SEC14L1: variants seen among roughly 807,000 people sequenced by gnomAD.
The protein encoded by SEC14L1 is SEC14-like protein 1.
A neutral mutation model predicts 85.3 loss-of-function variants in SEC14L1; 48 were observed. That is an observed-to-expected ratio of 0.56 (90% CI 0.45 to 0.72). The LOEUF (loss-of-function observed/expected upper bound fraction) is 0.72. Ranked by LOEUF, SEC14L1 falls within the 30% of genes least tolerant of loss-of-function variation. The probability of loss-of-function intolerance (pLI) is 0.00; values close to 1 mark genes in which losing one functional copy is unlikely to be tolerated. For missense variants in SEC14L1, 682 were observed against 921.4 expected, an observed-to-expected ratio of 0.74 and a Z score of 3.36; for synonymous variants, 391 against 355.5, an observed-to-expected ratio of 1.10 and a Z score of -1.12.
intron 3 of SEC14L1, among the ~76,000 whole-genome samples, chr17:77,154,387 G>C (rs2143589166): frequency 6.6e-6 from 1 of 152,306 alleles, no homozygotes; most frequent in Non-Finnish European, 1.5e-5. Flanking sequence ...AGACAGGATT[G>C]TTTGAGCCTA....
chr17:77,177,467 C>A (rs1269846149), intron 3 of SEC14L1, among the ~76,000 whole-genome samples: 1 of 150,922 alleles, frequency 6.6e-6, no homozygotes, highest in Non-Finnish European at 1.5e-5. Flanking sequence ...ACAAAAGTTT[C>A]CAGGTAGTCT....
At chr17:77,211,687 G>A (rs552635133) in intron 14 of SEC14L1, 2 of 509,970 alleles carry the variant, frequency 3.9e-6, no homozygotes, top group East Asian at 7.2e-5. Context: ...GAGTGTGTGT[G>A]AAGATGGTGT....
At chr17:77,088,695 A>G (rs1971430410), upstream of SEC14L1, 1 of 152,088 alleles carries the variant, frequency 6.6e-6, no homozygotes, top group Admixed American at 6.6e-5. Context: ...AAGTGGAGAC[A>G]CGTGCTTTGG....
At chr17:77,124,825 G>A (rs764139012) in intron 3 of SEC14L1, among the ~76,000 whole-genome samples, 3 of 152,006 alleles carry the variant, frequency 2.0e-5, no homozygotes, top group Non-Finnish European at 4.4e-5. Flanking sequence ...TCAGCATGTC[G>A]TACAGTCGCT....
rs199763176 is a variant in SEC14L1 at position 77,143,589 on chromosome 17, T to C, written c.-8T>C. On this transcript the variant is annotated 5_prime_UTR_variant, in exon 3 of 17. Coordinates refer to ENST00000436233, the MANE Select transcript of SEC14L1 (RefSeq NM_001143998.2). Reference sequence around the variant, plus strand: ...CAGGTGTGAGAGGGTTGCTGTTGTATTGCAATCATGGTGCAGAAATACCAG... The same window carrying C: ...CAGGTGTGAGAGGGTTGCTGTTGTACTGCAATCATGGTGCAGAAATACCAG... The C allele has an allele frequency of 1.7e-5, 27 of 1,612,506 alleles. No individual in the cohort carries two copies. The African/African-American group carries it at 2.3e-4, about 14-fold the overall frequency.
chr17:77,100,281 T>TG (rs1460427713), intron 3 of SEC14L1, among the ~76,000 whole-genome samples: 3 of 152,228 alleles, frequency 2.0e-5, no homozygotes, highest in African/African-American at 7.2e-5. Context: ...CATCTGTACA[T>TG]GCGGCATTCA....
At position 77,214,027 on chromosome 17, in the gene SEC14L1, C is replaced by T. The variant is rs773419674; in HGVS notation, c.*4C>T. On this transcript the variant is annotated 3_prime_UTR_variant, in exon 17 of 17. Transcript: ENST00000436233. ...CAGCTCCATGATCTCCAGGTAGTGC[C>T]GCGCTGCCTGCACCTAGTGTGCAGA... 112 of 1,611,456 alleles carry T rather than the reference C, an allele frequency of 7.0e-5. No individual in the cohort carries two copies. The highest frequency in any genetic ancestry group is 9.0e-5 in the Non-Finnish European group (106 of 1,179,528).
chr17:77,111,678 C>T (rs902059239), intron 3 of SEC14L1, among the ~76,000 whole-genome samples: 1 of 152,078 alleles, frequency 6.6e-6, no homozygotes, highest in Non-Finnish European at 1.5e-5. Context: ...GGCCTGTAGC[C>T]CCTTTGTTTT....
At chr17:77,141,142 C>G (rs1399601988) in intron 1 of SEC14L1, 35 bp downstream of exon 1, 4 of 151,838 alleles carry the variant, frequency 2.6e-5, no homozygotes, top group Non-Finnish European at 5.9e-5. Flanking sequence ...CGAGTGCGCC[C>G]TCGCCCCGGT....
intron 3 of SEC14L1, among the ~76,000 whole-genome samples, chr17:77,173,851 G>C (rs1291022273): frequency 6.6e-6 from 1 of 151,770 alleles, no homozygotes; most frequent in Non-Finnish European, 1.5e-5. Flanking sequence ...GTTTTTTTGA[G>C]TTTGTGAGGC....
chr17:77,144,992 G>C (rs1471460110), intron 3 of SEC14L1: 2 of 151,980 alleles, frequency 1.3e-5, no homozygotes, highest in African/African-American at 2.4e-5. Flanking sequence ...GCTTACTGCA[G>C]CCTCTGCCTC....
At chr17:77,195,885 T>C (rs946556690) in intron 7 of SEC14L1, among the ~76,000 whole-genome samples, 2 of 152,208 alleles carry the variant, frequency 1.3e-5, no homozygotes, top group African/African-American at 4.8e-5. Context: ...TTTTGTGTTA[T>C]GTTCCTCTTG....
chr17:77,195,773 C>T (rs1386809306), intron 7 of SEC14L1, among the ~76,000 whole-genome samples: 2 of 152,294 alleles, frequency 1.3e-5, no homozygotes, highest in Admixed American at 6.5e-5. Context: ...CAGGCGTGAG[C>T]CACCAGATTT....
In SEC14L1 at chr17:77,116,929, G is replaced by A. The variant is rs541010400; in HGVS notation, c.-136+23582G>A. Among the ~76,000 whole-genome samples, 79 of 152,226 alleles carry A rather than the reference G, an allele frequency of 5.2e-4. No individual in the cohort carries two copies. The Middle Eastern group carries it at 0.01, about 20-fold the overall frequency. ...GGATTTTTGGACCATGATTCCAGGCGGACACCCCATCTTTACAAAATTAAA... is the reference window on the plus strand; with the variant it reads ...GGATTTTTGGACCATGATTCCAGGCAGACACCCCATCTTTACAAAATTAAA... On this transcript the variant is annotated intron_variant, in intron 3 of 19. Coordinates refer to the SEC14L1 transcript ENST00000392476.
At chr17:77,136,052 T>C (rs1416635560), upstream of SEC14L1, among the ~76,000 whole-genome samples, 10 of 151,112 alleles carry the variant, frequency 6.6e-5, no homozygotes, top group African/African-American at 2.4e-4. Flanking sequence ...TTTTTTTTTG[T>C]ATTTTTAGTA....
chr17:77,092,524 A>G (rs913187328), intron 2 of SEC14L1, among the ~76,000 whole-genome samples: 3 of 152,178 alleles, frequency 2.0e-5, no homozygotes, highest in African/African-American at 7.2e-5. Flanking sequence ...AGGGAAGGGA[A>G]GAAAAGTAAA....
chr17:77,174,708 A>C (rs562030538), intron 3 of SEC14L1, among the ~76,000 whole-genome samples: 2 of 152,186 alleles, frequency 1.3e-5, no homozygotes, highest in Non-Finnish European at 2.9e-5. Context: ...TCCCCAGAGG[A>C]GAATGGGAAT....
Position 77,213,420 on chromosome 17 carries a change from C to T in SEC14L1, c.1970C>T (p.Ala657Val), listed in dbSNP as rs1976870196. Residue 657 changes from alanine to valine, a missense_variant, in exon 16 of 17, where the codon GCG (alanine) becomes GTG (valine). By Grantham distance (64) the Ala-to-Val change is moderately conservative. Coordinates refer to ENST00000436233, the MANE Select transcript of SEC14L1 (RefSeq NM_001143998.2). This position sits in a 1 kb window ranked among gnomAD's most constrained non-coding sequence, Gnocchi z 7.1. ...CTTCCCCGGGTGGACGACGTGCTTGCGTCCCTGCAGGTCTCTTCGCACAAG... is the reference window on the plus strand; with the variant it reads ...CTTCCCCGGGTGGACGACGTGCTTGTGTCCCTGCAGGTCTCTTCGCACAAG... ...SSLPRVDDVL[A>V]SLQVSSHKCK... 5 of 1,613,174 alleles carry T rather than the reference C, an allele frequency of 3.1e-6. No individual in the cohort carries two copies. Among genetic ancestry groups the T allele is most frequent in the East Asian group, 2.2e-5 (1 of 44,902 alleles).
chr17:77,164,339 A>G (rs1367974529), intron 3 of SEC14L1, among the ~76,000 whole-genome samples: 2 of 152,206 alleles, frequency 1.3e-5, no homozygotes, highest in Admixed American at 6.5e-5. Flanking sequence ...CTCTGAACCA[A>G]TTCTGGTTTG....
Sources: allele counts gnomAD v4.1 joint callset (sites outside exome capture counted in the v4.1 genomes callset), GRCh38; gene constraint gnomAD v4.1.1; non-coding constraint Gnocchi (gnomAD v3.1); transcripts MANE v1.5; gene names NCBI Gene and HGNC (gene_info 2026-07-23, HGNC 2026-07-21).